GABRA1: variants seen among roughly 807,000 people sequenced by gnomAD.
GABRA1 encodes the protein gamma-aminobutyric acid receptor subunit alpha-1.
Under a neutral mutation model 48.9 loss-of-function variants are expected in GABRA1, and 9 were observed. The observed-to-expected ratio is 0.18, with a 90% CI of 0.11 to 0.32. The LOEUF is 0.32. Ranked by LOEUF, GABRA1 falls within the 10% of genes least tolerant of loss-of-function variation. The pLI is 1.00. For synonymous variants in GABRA1, 210 were observed against 198.7 expected (o/e 1.06, Z -0.48); for missense variants, 285 against 553.8 (o/e 0.51, Z 4.87).
intron 2 of GABRA1, among the ~76,000 whole-genome samples, chr5:161,853,493 A>G (rs1215034086): frequency 6.6e-6 from 1 of 151,872 alleles, no homozygotes; most frequent in Non-Finnish European, 1.5e-5. Context: ...ATTGAACTTG[A>G]TCTTTCTAAA....
chr5:161,852,984 T>C (rs1757510367), intron 2 of GABRA1, among the ~76,000 whole-genome samples: 1 of 151,920 alleles, frequency 6.6e-6, no homozygotes, highest in Admixed American at 6.6e-5. Flanking sequence ...CACACAGGAA[T>C]GAAGCCCAAA....
At chr5:161,875,719 C>T (rs556940789) in intron 6 of GABRA1, 77 bp downstream of exon 6, 184 of 1,111,086 alleles carry the variant, frequency 1.7e-4, no homozygotes, top group Admixed American at 6.1e-4. Context: ...GTGAGAAAAA[C>T]GCGTAGATAA....
intron 3 of GABRA1, among the ~76,000 whole-genome samples, chr5:161,854,591 G>C (rs980330292): frequency 6.6e-6 from 1 of 151,656 alleles, no homozygotes; most frequent in Non-Finnish European, 1.5e-5. Flanking sequence ...CACAATGACT[G>C]CAGCTATCTC....
rs1209960027 is a variant in GABRA1 at position 161,875,784 on chromosome 5, G to T, written c.559+142G>T. 6 of 701,648 alleles carry T rather than the reference G, an allele frequency of 8.6e-6. No individual in the cohort carries two copies. In the East Asian group the frequency reaches 1.6e-4, roughly 19 times the overall value. 43.5% of individuals were successfully genotyped at this position (701,648 alleles called of 1,614,324 possible). On this transcript the variant is annotated intron_variant, in intron 6 of 9. Transcript: ENST00000393943. ...ACCACATGGACTTTCCATAAGTAGTGCTCTGTGACTTCACTTTTTAATGTT... is the reference window on the plus strand; with the variant it reads ...ACCACATGGACTTTCCATAAGTAGTTCTCTGTGACTTCACTTTTTAATGTT...
At chr5:161,892,881 G>C (rs1390633403) in intron 8 of GABRA1, among the ~76,000 whole-genome samples, 2 of 151,858 alleles carry the variant, frequency 1.3e-5, no homozygotes, top group Non-Finnish European at 2.9e-5. Flanking sequence ...GTGGGTGCCT[G>C]TAGTCTCAGC....
intron 9 of GABRA1, among the ~76,000 whole-genome samples, chr5:161,896,862 A>G (rs905498583): frequency 1.2e-4 from 18 of 152,202 alleles, no homozygotes; most frequent in Non-Finnish European, 2.6e-4. Flanking sequence ...TAGATAAGAA[A>G]ATCCTCTGTA....
rs188133840 is a variant in GABRA1 at position 161,890,888 on chromosome 5, T to C, written c.704-10T>C. On this transcript the variant is annotated splice_polypyrimidine_tract_variant and intron_variant, in intron 7 of 9. Transcript: ENST00000393943. ...AATTGCTCATCTTTCTTGTGTGTTTTACTTCTCAGGAGAATATGTTGTTAT... is the reference window on the plus strand; with the variant it reads ...AATTGCTCATCTTTCTTGTGTGTTTCACTTCTCAGGAGAATATGTTGTTAT... The C allele has an allele frequency of 6.2e-5, 100 of 1,612,988 alleles. No individual in the cohort carries two copies. In the East Asian group the frequency reaches 2.1e-3, roughly 33 times the overall value.
chr5:161,892,329 A>G (rs1755129484), intron 8 of GABRA1, among the ~76,000 whole-genome samples: 1 of 152,208 alleles, frequency 6.6e-6, no homozygotes, highest in Admixed American at 6.5e-5. Flanking sequence ...AGAGATTCCT[A>G]TGGTATCATT....
In GABRA1 at chr5:161,854,291, T is replaced by G. The variant is rs751055599; in HGVS notation, c.187+21T>G. 2.3e-6 allele frequency: 3 copies of G among 1,291,502 alleles called. No homozygotes were observed. The African/African-American group carries it at 4.4e-5, about 19-fold the overall frequency. 80.0% of individuals were successfully genotyped at this position (1,291,502 alleles called of 1,614,324 possible). A position where few individuals can be genotyped will look rare whatever the true frequency, so the allele number is the denominator to read the frequency against. The stretch of plus-strand genomic sequence containing the variant: ...GGGAGGTAGGTTGCATTATTGTATT[T>G]TTGTTTTAGAGAATAATATGAGATC... On this transcript the variant is annotated intron_variant, in intron 3 of 9. Transcript: ENST00000393943.
intron 2 of GABRA1, among the ~76,000 whole-genome samples, chr5:161,852,088 A>G (rs1291657927): frequency 6.6e-6 from 1 of 152,046 alleles, no homozygotes; most frequent in Non-Finnish European, 1.5e-5. Context: ...TTGACATAGT[A>G]AGTTAGAAGT....
chr5:161,892,669 TAAAA>T (rs1305707294), intron 8 of GABRA1, among the ~76,000 whole-genome samples: 1 of 94,756 alleles, frequency 1.1e-5, no homozygotes, highest in African/African-American at 3.1e-5. Flanking sequence ...ACTAGGAAAT[TAAAA>T]CAAACAAACA....
rs146428720 is a variant in GABRA1, at chr5:161,873,126, A to G, written c.265A>G (p.Ile89Val). 1 of 1,607,518 alleles carries G rather than the reference A, an allele frequency of 6.2e-7. No individual in the cohort carries two copies. The highest frequency in any genetic ancestry group is 8.5e-7 in the Non-Finnish European group (1 of 1,174,040). The change falls in exon 5 of 10, where the codon ATA becomes GTA. Residue 89 changes from isoleucine (I) to valine (V), a missense_variant. This residue lies in a region of GABRA1 where 105 missense variants were observed against 267.4 expected (regional missense o/e 0.39). Coordinates refer to ENST00000393943, the MANE Select transcript of GABRA1 (RefSeq NM_001127644.2). ...TTCCAAAATTACCTAGGAATATACAATAGATGTATTTTTCCGTCAAAGCTG... is the reference window on the plus strand; with the variant it reads ...TTCCAAAATTACCTAGGAATATACAGTAGATGTATTTTTCCGTCAAAGCTG... Reference protein sequence around the residue: ...PVSDHDMEYTIDVFFRQSWKD... With the variant: ...PVSDHDMEYTVDVFFRQSWKD...
chr5:161,867,739 G>A (rs1462237718), intron 4 of GABRA1, among the ~76,000 whole-genome samples: 1 of 151,900 alleles, frequency 6.6e-6, no homozygotes, highest in Non-Finnish European at 1.5e-5. Flanking sequence ...TTCCGCAGAG[G>A]CCCAAATCAA....
At chr5:161,892,752 C>A (rs558341460) in intron 8 of GABRA1, among the ~76,000 whole-genome samples, 1 of 152,168 alleles carries the variant, frequency 6.6e-6, no homozygotes, top group African/African-American at 2.4e-5. Flanking sequence ...CGTCTGTAAT[C>A]CCAGCACTTT....
chr5:161,858,175 C>T (rs191149345), intron 3 of GABRA1, among the ~76,000 whole-genome samples: 45 of 151,388 alleles, frequency 3.0e-4, no homozygotes, highest in Non-Finnish European at 5.6e-4. Flanking sequence ...TAAATCAGGA[C>T]GAAACCAAAA....
chr5:161,884,425 T>A (rs1370622964), intron 7 of GABRA1, among the ~76,000 whole-genome samples: 1 of 152,214 alleles, frequency 6.6e-6, no homozygotes, highest in Non-Finnish European at 1.5e-5. Flanking sequence ...TGATTAACAT[T>A]TTTTTGTGAT....
At chr5:161,861,574 T>A (rs976087650) in intron 3 of GABRA1, among the ~76,000 whole-genome samples, 5 of 151,128 alleles carry the variant, frequency 3.3e-5, no homozygotes, top group African/African-American at 9.8e-5. Flanking sequence ...GAAACTTGGG[T>A]GTCTACCCCC....
chr5:161,895,575 T>G, intron 8 of GABRA1, 91 bp from the exon 9 acceptor site: 1 of 1,157,184 alleles, frequency 8.6e-7, no homozygotes, highest in Non-Finnish European at 1.3e-6. Flanking sequence ...CATGATACTG[T>G]TGATTTCCTT....
chr5:161,848,844 G>A, intron 1 of GABRA1: 1 of 390,968 alleles, frequency 2.6e-6, no homozygotes, highest in Non-Finnish European at 5.1e-6. Context: ...ATCATCTAAA[G>A]TTAAGACGCT....
Sources: gnomAD v4.1 joint callset for allele counts (sites outside exome capture counted in the v4.1 genomes callset) on GRCh38, gnomAD v4.1.1 for gene constraint, gnomAD v4.1.1 regional missense constraint, MANE v1.5 for transcripts, NCBI Gene and HGNC (gene_info 2026-07-23, HGNC 2026-07-21) for gene names.